AFDN: variants seen among roughly 807,000 people sequenced by gnomAD.
AFDN encodes afadin.
Under a neutral mutation model 216.6 loss-of-function variants are expected in AFDN, and 68 were observed. The ratio of observed to expected loss-of-function variants is 0.31; its 90% confidence interval spans 0.26 to 0.38. The LOEUF is 0.38. Among genes scored for constraint, AFDN ranks in the 10% least tolerant of loss-of-function variants. The pLI, the probability that AFDN is intolerant of heterozygous loss-of-function variation, is 1.00. For synonymous variants in AFDN, 868 were observed against 853.7 expected (o/e 1.02, Z -0.29); for missense variants, 2,136 against 2,342.0 (o/e 0.91, Z 1.82).
intron 23 of AFDN, chr6:167,932,700 AGTT>A (rs1327877668): frequency 1.3e-5 from 2 of 152,160 alleles, no homozygotes; most frequent in Non-Finnish European, 2.9e-5. Context: ...CAGTTCATGA[AGTT>A]GTTGTGGTCC....
intron 30 of AFDN, among the ~76,000 whole-genome samples, chr6:167,958,661 A>G (rs1796753069): frequency 6.6e-6 from 1 of 152,216 alleles, no homozygotes; most frequent in African/African-American, 2.4e-5. Flanking sequence ...CCTTACATGA[A>G]AGCCCAAGCT....
chr6:167,966,356 G>A, intron 32 of AFDN: 1 of 1,197,134 alleles, frequency 8.4e-7, no homozygotes, highest in South Asian at 1.6e-5. Context: ...CCTGTAGTAT[G>A]GTCCATGGCG....
intron 4 of AFDN, among the ~76,000 whole-genome samples, chr6:167,872,916 AG>A (rs1784941927): frequency 6.6e-6 from 1 of 152,214 alleles, no homozygotes; most frequent in African/African-American, 2.4e-5. Context: ...CACAGAGCTG[AG>A]GGAATAAGTT....
rs34988708 is a variant in AFDN, at chr6:167,967,349, G to A, written c.5257+1304G>A. Among the ~76,000 whole-genome samples, 880 of 151,942 alleles carry A rather than the reference G, an allele frequency of 5.8e-3. 5 individuals are homozygous for A. The highest frequency in any genetic ancestry group is 7.3e-3 in the African/African-American group (304 of 41,430). ...TTTTGCCAGAATTCTGTCTTTCCCC[G>A]CCCCCCTGGATCAGAGCTTTGATCT... On this transcript the variant is annotated intron_variant, in intron 32 of 33. Transcript: ENST00000683244.
intron 30 of AFDN, among the ~76,000 whole-genome samples, chr6:167,955,402 AT>A (rs560562189): frequency 4.7e-4 from 69 of 145,984 alleles, no homozygotes; most frequent in South Asian, 8.6e-4. Flanking sequence ...TGAGCTTTGC[AT>A]TTTTTTTTTT....
chr6:167,911,290 A>T lies in AFDN; in HGVS notation c.1838A>T (p.Asp613Val), dbSNP rs775628994. ...ASIEFRESSE[D>V]SFLSAIINYT... Reference sequence around the variant, plus strand: ...TTTTGAAATCTTTCCACAGCTGAAGATTCATTTTTGTCTGCCATTATAAAT... The same window carrying T: ...TTTTGAAATCTTTCCACAGCTGAAGTTTCATTTTTGTCTGCCATTATAAAT... Residue 613 changes from aspartate to valine, a missense_variant, in exon 15 of 34, where the codon GAT becomes GTT. Coordinates refer to ENST00000683244, the MANE Select transcript of AFDN (RefSeq NM_001386888.1). The T allele has an allele frequency of 1.1e-5, 17 of 1,612,994 alleles. No homozygotes were observed. The highest frequency in any genetic ancestry group is 4.2e-6 in the Non-Finnish European group (5 of 1,179,456).
At chr6:167,852,732 C>T (rs1210135313) in intron 1 of AFDN, among the ~76,000 whole-genome samples, 1 of 152,060 alleles carries the variant, frequency 6.6e-6, no homozygotes, top group Non-Finnish European at 1.5e-5. Flanking sequence ...CTCTAGTTAC[C>T]TTCAGTGCTA....
intron 1 of AFDN, among the ~76,000 whole-genome samples, chr6:167,856,580 C>CTA (rs1335408213): frequency 1.3e-5 from 2 of 152,064 alleles, no homozygotes; most frequent in Non-Finnish European, 2.9e-5. Context: ...ATAGAAAGAA[C>CTA]TATAGGTCAC....
chr6:167,855,864 T>C (rs1782835468), intron 1 of AFDN, among the ~76,000 whole-genome samples: 1 of 152,178 alleles, frequency 6.6e-6, no homozygotes, highest in Admixed American at 6.5e-5. Context: ...ATTACTTTTC[T>C]GAGAAATGAT....
chr6:167,896,937 G>T lies in AFDN; in HGVS notation c.1282G>T (p.Val428Phe). 6.2e-7 allele frequency: 1 copy of T among 1,613,728 alleles called. No individual in the cohort carries two copies. Among genetic ancestry groups the T allele is most frequent in the Admixed American group, 1.7e-5 (1 of 60,020 alleles). ...LYRLQLSVTE[V>F]GTEKLDDNSI... is the part of the protein sequence containing the mutation. ...CCGCCTTCAGTTAAGTGTTACTGAA[G>T]TTGGGACAGAAAAGTTGGATGACAA... The change falls in exon 10 of 34, where the codon GTT becomes TTT. Residue 428 changes from valine (V) to phenylalanine (F), a missense_variant. Val to Phe is a conservative substitution (Grantham distance 50, BLOSUM62 -1). Transcript: ENST00000683244.
chr6:167,871,411 C>T (rs765722388), intron 3 of AFDN, among the ~76,000 whole-genome samples: 1 of 152,186 alleles, frequency 6.6e-6, no homozygotes, highest in Non-Finnish European at 1.5e-5. Flanking sequence ...CCCTCATTGA[C>T]ATGTATTGGA....
At chr6:167,939,376 CA>C (rs1293345583) in intron 23 of AFDN, among the ~76,000 whole-genome samples, 1 of 152,076 alleles carries the variant, frequency 6.6e-6, no homozygotes, top group Admixed American at 6.6e-5. Flanking sequence ...AGGTGGAAAG[CA>C]GAGGAAAAAA....
chr6:167,905,707 C>T (rs1172451786), intron 12 of AFDN, among the ~76,000 whole-genome samples: 1 of 144,226 alleles, frequency 6.9e-6, no homozygotes, highest in Non-Finnish European at 1.5e-5. Context: ...TATAAACATA[C>T]TCTAATTTCT....
In AFDN at chr6:167,970,133, A is replaced by G. The variant is rs1797926617; in HGVS notation, c.*198A>G. 1 of 532,914 alleles carries G rather than the reference A, an allele frequency of 1.9e-6. No homozygotes were observed. The highest frequency in any genetic ancestry group is 2.0e-5 in the African/African-American group (1 of 49,886). 33.0% of individuals were successfully genotyped at this position (532,914 alleles called of 1,614,324 possible). On this transcript the variant is annotated 3_prime_UTR_variant, in exon 34 of 34. Transcript: ENST00000683244. ...TTACTTTACCATGAGATTGCCATTT[A>G]TGTAATTTAAACACTGTCTAGTTTC...
rs939823389 is a variant in AFDN, at chr6:167,838,718, T to C, written c.105+11481T>C. Among the ~76,000 whole-genome samples, 18 of 152,374 alleles carry C rather than the reference T, an allele frequency of 1.2e-4. No homozygotes were observed. The East Asian group carries it at 3.3e-3, about 28-fold the overall frequency. ...TCCTACAGCCCATCTTCTCTGGTGA[T>C]GAGCCTTTGTTTTTCCTTCTTGTAA... On this transcript the variant is annotated intron_variant, in intron 1 of 33. Transcript: ENST00000683244.
chr6:167,898,492 A>G (rs1189683350), intron 11 of AFDN, 25 bp downstream of exon 11: 7 of 1,601,916 alleles, frequency 4.4e-6, no homozygotes, highest in Non-Finnish European at 5.1e-6. Flanking sequence ...CCTAAGATTT[A>G]AAATGTTTTG....
chr6:167,880,260 A>C (rs1481637942), intron 5 of AFDN, 100 bp from the exon 6 acceptor site: 1 of 1,074,446 alleles, frequency 9.3e-7, no homozygotes, highest in Non-Finnish European at 1.4e-6. Flanking sequence ...CATTTTAGCT[A>C]GAATGCAGGT....
chr6:167,924,955 GA>G, intron 22 of AFDN, 49 bp from the exon 23 acceptor site: 2 of 1,297,848 alleles, frequency 1.5e-6, no homozygotes, highest in Non-Finnish European at 2.2e-6. Context: ...TAACCATACA[GA>G]AGCACTTCCA....
At chr6:167,864,244 T>C in intron 1 of AFDN, 1 of 582,152 alleles carries the variant, frequency 1.7e-6, no homozygotes, top group Non-Finnish European at 3.3e-6. Flanking sequence ...TTCTTATAAA[T>C]ATTGAGTGTC....
Sources: allele counts gnomAD v4.1 joint callset (sites outside exome capture counted in the v4.1 genomes callset), GRCh38; gene constraint gnomAD v4.1.1; transcripts MANE v1.5; gene names NCBI Gene and HGNC (gene_info 2026-07-23, HGNC 2026-07-21).